Variants in KCNAB2 observed in about 807,000 individuals in gnomAD.
The protein encoded by KCNAB2 is voltage-gated potassium channel subunit beta-2.
In KCNAB2, 29 loss-of-function variants were observed where a neutral mutation model predicts 63.6. The observed-to-expected ratio is 0.46, with a 90% confidence interval of 0.34 to 0.62. KCNAB2 has a LOEUF of 0.62. Among genes scored for constraint, KCNAB2 ranks in the 20% least tolerant of loss-of-function variants. KCNAB2 has a pLI of 0.01. For synonymous variants in KCNAB2, 222 were observed against 224.2 expected, an observed-to-expected ratio of 0.99 and a Z score of 0.09; for missense variants, 359 against 563.9, an observed-to-expected ratio of 0.64 and a Z score of 3.68.
At chr1:6,081,858 A>G (rs891579840) in intron 4 of KCNAB2, among the ~76,000 whole-genome samples, 8 of 152,244 alleles carry the variant, frequency 5.3e-5, no homozygotes, top group African/African-American at 1.9e-4. Flanking sequence ...CTAAGTAGAC[A>G]TGAATTCTGT....
At chr1:6,047,865 C>T (rs538117870) in intron 1 of KCNAB2, among the ~76,000 whole-genome samples, 3 of 152,334 alleles carry the variant, frequency 2.0e-5, no homozygotes, top group South Asian at 2.1e-4. Context: ...TTTCTGTGCC[C>T]GCAAGTTCCC....
chr1:5,998,991 C>T (rs1026625836), intron 1 of KCNAB2, among the ~76,000 whole-genome samples: 6 of 152,188 alleles, frequency 3.9e-5, no homozygotes, highest in African/African-American at 9.7e-5. Flanking sequence ...AGGGTGGCTC[C>T]GGGGCTGGCG....
intron 1 of KCNAB2, among the ~76,000 whole-genome samples, chr1:6,005,558 A>G (rs941435729): frequency 1.3e-5 from 2 of 150,608 alleles, no homozygotes; most frequent in Non-Finnish European, 2.9e-5. Flanking sequence ...CCTACCCCCC[A>G]TGAGTAGGAG....
intron 1 of KCNAB2, among the ~76,000 whole-genome samples, chr1:6,004,324 T>C (rs1481113405): frequency 1.3e-5 from 2 of 151,996 alleles, no homozygotes; most frequent in African/African-American, 4.8e-5. Context: ...GCCTCCCAAG[T>C]AGCTGGGACT....
intron 1 of KCNAB2, among the ~76,000 whole-genome samples, chr1:5,995,621 G>A (rs1387328325): frequency 6.6e-6 from 1 of 152,192 alleles, no homozygotes; most frequent in Non-Finnish European, 1.5e-5. Flanking sequence ...GTTGTTCGTG[G>A]CCTTCAAAGA....
upstream of KCNAB2, among the ~76,000 whole-genome samples, chr1:6,033,034 C>T (rs1390161054): frequency 6.6e-6 from 1 of 152,322 alleles, no homozygotes; most frequent in African/African-American, 2.4e-5. Context: ...TAATTGGGAA[C>T]ACCTAATAGA....
chr1:6,031,087 G>A (rs1659595505), upstream of KCNAB2, among the ~76,000 whole-genome samples: 1 of 152,038 alleles, frequency 6.6e-6, no homozygotes, highest in African/African-American at 2.4e-5. This position sits in a 1 kb window ranked among gnomAD's most constrained non-coding sequence, Gnocchi z 4.1. Context: ...CAGAACATGT[G>A]GGTAACCATA....
rs1665945217 is a variant in KCNAB2, at chr1:6,100,258, C to T, written c.*1684C>T. On this transcript the variant is annotated 3_prime_UTR_variant, in exon 16 of 16. Transcript: ENST00000378083. ...GATCAGCTTCTGCTATTACCGACCC[C>T]CCTTCATGCTGCCCCTGGCGCCTAG... The T allele has an allele frequency of 1.4e-5, 8 of 577,146 alleles. No individual in the cohort carries two copies. The South Asian group carries it at 2.8e-4, about 20-fold the overall frequency. The allele number at this position is 577,146 out of a possible 1,614,324, so 35.8% of individuals were successfully genotyped here.
chr1:6,082,333 A>G (rs1450652659), intron 5 of KCNAB2, 59 bp downstream of exon 5: 2 of 1,333,454 alleles, frequency 1.5e-6, no homozygotes, highest in African/African-American at 1.5e-5. Context: ...AGCCGGAGCT[A>G]CAGGGATTCC....
intron 1 of KCNAB2, among the ~76,000 whole-genome samples, chr1:6,036,824 C>T (rs1005571273): frequency 6.6e-6 from 1 of 151,984 alleles, no homozygotes; most frequent in Non-Finnish European, 1.5e-5. Flanking sequence ...GGAGGAGCAG[C>T]GAGGTGTCCC....
chr1:6,039,302 A>G (rs553926065), intron 1 of KCNAB2, among the ~76,000 whole-genome samples: 14 of 152,252 alleles, frequency 9.2e-5, no homozygotes, highest in African/African-American at 2.9e-4. Flanking sequence ...TAGGAGTGGG[A>G]GGAAAGAGCA....
chr1:6,083,124 G>A (rs1571064170), intron 5 of KCNAB2, among the ~76,000 whole-genome samples: 1 of 152,178 alleles, frequency 6.6e-6, no homozygotes, highest in Non-Finnish European at 1.5e-5. Flanking sequence ...CCCATCTGCA[G>A]CCCTTTTGGC....
intron 1 of KCNAB2, among the ~76,000 whole-genome samples, chr1:6,014,117 G>C (rs1234453184): frequency 1.3e-5 from 2 of 152,218 alleles, no homozygotes; most frequent in African/African-American, 4.8e-5. Flanking sequence ...CTTATCCCGA[G>C]GCCTCATTCA....
chr1:6,037,696 A>G (rs539874495), intron 1 of KCNAB2, among the ~76,000 whole-genome samples: 42 of 152,236 alleles, frequency 2.8e-4, no homozygotes, highest in Non-Finnish European at 4.7e-4. Context: ...CCTCTGAGTC[A>G]TCTAAGAGCA....
intron 2 of KCNAB2, among the ~76,000 whole-genome samples, chr1:6,053,619 G>C (rs780454185): frequency 1.3e-5 from 2 of 152,218 alleles, no homozygotes; most frequent in African/African-American, 4.8e-5. Context: ...GGCTAGGCTG[G>C]AGGGAGGAAG....
intron 2 of KCNAB2, among the ~76,000 whole-genome samples, chr1:6,066,907 C>T (rs1264271867): frequency 2.0e-5 from 3 of 152,256 alleles, no homozygotes; most frequent in East Asian, 3.8e-4. Flanking sequence ...TCCCTCCACC[C>T]GGGCTCAGCC....
intron 9 of KCNAB2, among the ~76,000 whole-genome samples, 160 bp from the exon 10 acceptor site, chr1:6,091,103 C>T (rs1665149808): frequency 6.6e-6 from 1 of 152,224 alleles, no homozygotes; most frequent in African/African-American, 2.4e-5. Flanking sequence ...TGTTCATATA[C>T]AGCACGCACG....
At chr1:6,027,740 C>T (rs968793806) in intron 1 of KCNAB2, among the ~76,000 whole-genome samples, 4 of 152,148 alleles carry the variant, frequency 2.6e-5, no homozygotes, top group Non-Finnish European at 5.9e-5. Flanking sequence ...TCAAATGCTC[C>T]GTTCGGCAGT....
intron 3 of KCNAB2, 65 bp downstream of exon 3, chr1:6,072,863 G>C: frequency 6.6e-7 from 1 of 1,517,238 alleles, no homozygotes; most frequent in Non-Finnish European, 9.1e-7. Context: ...GGCATGGACT[G>C]AACTGGACAC....
Sources: gnomAD v4.1 joint callset for allele counts (sites outside exome capture counted in the v4.1 genomes callset) on GRCh38, gnomAD v4.1.1 for gene constraint, Gnocchi (gnomAD v3.1) non-coding constraint, MANE v1.5 for transcripts, NCBI Gene and HGNC (gene_info 2026-07-23, HGNC 2026-07-21) for gene names.